PTPRN2: variants seen among roughly 807,000 people sequenced by gnomAD.
PTPRN2 encodes the protein receptor-type tyrosine-protein phosphatase N2.
PTPRN2 carries 74 observed loss-of-function variants against 118.8 expected under a neutral mutation model. The observed-to-expected ratio is 0.62, with a 90% CI of 0.52 to 0.76. The LOEUF is 0.76. Among genes scored for constraint, PTPRN2 ranks in the 30% least tolerant of loss-of-function variants. PTPRN2 has a pLI of 0.00. For synonymous variants in PTPRN2, 641 were observed against 608.0 expected, an observed-to-expected ratio of 1.05 and a Z score of -0.80; for missense variants, 1,481 against 1,394.4, an observed-to-expected ratio of 1.06 and a Z score of -0.99.
intron 10 of PTPRN2, among the ~76,000 whole-genome samples, chr7:158,108,314 C>T (rs1815857666): frequency 6.6e-6 from 1 of 152,128 alleles, no homozygotes; most frequent in Admixed American, 6.5e-5. Flanking sequence ...TGCACCTGCT[C>T]CCTCCTTTAC....
At chr7:158,189,479 A>G (rs1010081960) in intron 5 of PTPRN2, among the ~76,000 whole-genome samples, 2 of 152,200 alleles carry the variant, frequency 1.3e-5, no homozygotes, top group African/African-American at 4.8e-5. Context: ...CGAGCCTCCA[A>G]GGCTACGCTC....
intron 5 of PTPRN2, among the ~76,000 whole-genome samples, chr7:158,188,586 T>C (rs1252900356): frequency 2.2e-5 from 2 of 90,220 alleles, no homozygotes; most frequent in South Asian, 4.7e-4. Context: ...GCCGCCACGC[T>C]CGCCCCCTGA....
chr7:158,119,879 G>A (rs919481574), intron 9 of PTPRN2, among the ~76,000 whole-genome samples: 6 of 152,076 alleles, frequency 3.9e-5, no homozygotes, highest in African/African-American at 1.4e-4. Context: ...TGAAAACAGG[G>A]TCTCAAAGAG....
At chr7:157,773,527 C>T (rs1379257909) in intron 12 of PTPRN2, among the ~76,000 whole-genome samples, 3 of 152,192 alleles carry the variant, frequency 2.0e-5, no homozygotes, top group South Asian at 2.1e-4. Flanking sequence ...TCCATCAGCC[C>T]GCTGCGAGGG....
Position 157,611,112 on chromosome 7 carries a change from T to C in PTPRN2, c.2345-7037A>G, listed in dbSNP as rs1453153423. On this transcript the variant is annotated intron_variant, in intron 15 of 22. Transcript: ENST00000389418. This position sits in a 1 kb window ranked among gnomAD's most constrained non-coding sequence, Gnocchi z 5.9. ...CGAGGCTGGTGTCCGGCTTCCACAC[T>C]GGACGCGTCAAAAGCAGGTCCCAGA... 6.6e-6 allele frequency among the ~76,000 whole-genome samples: 1 copy of C among 152,200 alleles called. No individual in the cohort carries two copies. Among genetic ancestry groups the C allele is most frequent in the East Asian group, 1.9e-4 (1 of 5,180 alleles).
intron 11 of PTPRN2, among the ~76,000 whole-genome samples, chr7:157,982,504 G>GT (rs1803345478): frequency 1.5e-5 from 2 of 132,550 alleles, no homozygotes; most frequent in Admixed American, 7.5e-5. Context: ...AGAGTGCAGG[G>GT]TCCCCCCAAA....
chr7:158,117,746 G>C (rs1816840597), intron 9 of PTPRN2, among the ~76,000 whole-genome samples: 1 of 151,518 alleles, frequency 6.6e-6, no homozygotes, highest in Admixed American at 6.6e-5. Context: ...AGAACAGAAA[G>C]CAGTGAACCA....
chr7:158,274,672 G>A (rs1209961537), intron 3 of PTPRN2, among the ~76,000 whole-genome samples: 2 of 152,178 alleles, frequency 1.3e-5, no homozygotes, highest in African/African-American at 2.4e-5. Context: ...CTGCTGCCTG[G>A]GACGACATTA....
chr7:157,937,123 C>T (rs191444074), intron 11 of PTPRN2, among the ~76,000 whole-genome samples: 1 of 152,296 alleles, frequency 6.6e-6, no homozygotes, highest in African/African-American at 2.4e-5. Context: ...CCCTGAACAC[C>T]GTGGGTCTGA....
intron 17 of PTPRN2, among the ~76,000 whole-genome samples, chr7:157,579,781 A>G (rs1254902578): frequency 1.3e-5 from 2 of 152,230 alleles, no homozygotes; most frequent in African/African-American, 4.8e-5. Flanking sequence ...ATTTCTTTTT[A>G]GGTCACTGTG....
intron 22 of PTPRN2, among the ~76,000 whole-genome samples, chr7:157,547,780 C>T (rs1215682176): frequency 6.6e-6 from 1 of 152,200 alleles, no homozygotes; most frequent in Non-Finnish European, 1.5e-5. Context: ...CTGCCCTGAC[C>T]ATGGGGGACG....
intron 12 of PTPRN2, among the ~76,000 whole-genome samples, chr7:157,734,275 G>GTTAC (rs112787008): frequency 5.7e-5 from 4 of 70,284 alleles, no homozygotes; most frequent in Admixed American, 1.3e-4. Flanking sequence ...GCCCAGTGCA[G>GTTAC]TCTTCCGTCC....
chr7:157,755,130 C>A (rs1055498693), intron 12 of PTPRN2, among the ~76,000 whole-genome samples: 1 of 152,226 alleles, frequency 6.6e-6, no homozygotes, highest in African/African-American at 2.4e-5. Context: ...AGCAATCTGC[C>A]TGCCTTGGCC....
intron 2 of PTPRN2, among the ~76,000 whole-genome samples, chr7:158,468,644 G>A (rs1819555316): frequency 6.6e-6 from 1 of 152,218 alleles, no homozygotes; most frequent in Non-Finnish European, 1.5e-5. Flanking sequence ...GCTGTGGCTT[G>A]AATAGAGAGG....
At chr7:158,310,363 G>A (rs1801601014) in intron 3 of PTPRN2, among the ~76,000 whole-genome samples, 1 of 152,248 alleles carries the variant, frequency 6.6e-6, no homozygotes, top group African/African-American at 2.4e-5. Flanking sequence ...CTGGGAGGAT[G>A]CAGACAGAGC....
intron 3 of PTPRN2, among the ~76,000 whole-genome samples, chr7:158,276,566 G>A (rs1231706068): frequency 1.3e-5 from 2 of 148,928 alleles, no homozygotes; most frequent in Non-Finnish European, 3.0e-5. Flanking sequence ...CCTGGCCCTG[G>A]GCAGTCGTGG....
intron 13 of PTPRN2, among the ~76,000 whole-genome samples, chr7:157,661,735 G>C (rs1585196924): frequency 6.6e-6 from 1 of 152,220 alleles, no homozygotes; most frequent in Admixed American, 6.5e-5. Flanking sequence ...CCCCCATGCT[G>C]CCCCTGAGCC....
At chr7:157,980,405 G>C (rs973649594) in intron 11 of PTPRN2, among the ~76,000 whole-genome samples, 3 of 152,158 alleles carry the variant, frequency 2.0e-5, no homozygotes, top group African/African-American at 7.2e-5. Context: ...GCTATTTGTC[G>C]GAGTTGGAAA....
intron 11 of PTPRN2, among the ~76,000 whole-genome samples, chr7:157,925,904 C>G (rs1185928655): frequency 1.3e-5 from 2 of 152,178 alleles, no homozygotes; most frequent in African/African-American, 4.8e-5. Context: ...GACACCTCTT[C>G]TTCTGTGTCG....
Sources: allele counts gnomAD v4.1 joint callset (sites outside exome capture counted in the v4.1 genomes callset), GRCh38; gene constraint gnomAD v4.1.1; non-coding constraint Gnocchi (gnomAD v3.1); transcripts MANE v1.5; gene names NCBI Gene and HGNC (gene_info 2026-07-23, HGNC 2026-07-21).